DHRS1: variants seen among roughly 807,000 people sequenced by gnomAD.
DHRS1 encodes dehydrogenase/reductase 1, also known as dehydrogenase/reductase SDR family member 1.
Under a neutral mutation model 35.2 loss-of-function variants are expected in DHRS1, and 34 were observed. That is an observed-to-expected ratio of 0.97 (90% CI 0.74 to 1.29). DHRS1 has a LOEUF of 1.29. Among genes scored for constraint, DHRS1 ranks in the 50% most tolerant of loss-of-function variants. DHRS1 has a pLI of 0.00. For synonymous variants in DHRS1, 133 were observed against 160.0 expected (o/e 0.83, Z 1.27); for missense variants, 354 against 403.6 (o/e 0.88, Z 1.05).
chr14:24,297,155 C>CT (rs1203376497), intron 2 of DHRS1, among the ~76,000 whole-genome samples: 1 of 152,220 alleles, frequency 6.6e-6, no homozygotes, highest in Non-Finnish European at 1.5e-5. Context: ...CAGCATTGTA[C>CT]TTTGCAAGTA....
In DHRS1 at chr14:24,299,042, C is replaced by T. The variant is rs758489787; in HGVS notation, c.65G>A (p.Gly22Asp). The change falls in exon 2 of 9, where the codon GGC (glycine) becomes GAC (aspartate). Residue 22 changes from glycine to aspartate, a missense_variant. Transcript: ENST00000288111. ...VTGASRGIGR[G>D]IALQLCKAGA... ...TGCTTTGCAGAGCTGCAAGGCAATG[C>T]CACGGCCAATACCCCTGGAGGCACC... The T allele has an allele frequency of 1.2e-6, 2 of 1,613,924 alleles. No individual in the cohort carries two copies. The highest frequency in any genetic ancestry group is 1.7e-5 in the Admixed American group (1 of 59,988).
intron 7 of DHRS1, 96 bp downstream of exon 7, chr14:24,291,460 C>T: frequency 4.4e-6 from 6 of 1,353,074 alleles, no homozygotes; most frequent in Non-Finnish European, 6.4e-6. Flanking sequence ...ATGACATGTT[C>T]CTCAACCAAC....
chr14:24,296,817 C>T lies in DHRS1; in HGVS notation c.215G>A (p.Arg72Gln), dbSNP rs200475438. 42 of 1,614,112 alleles carry T rather than the reference C, an allele frequency of 2.6e-5. No individual in the cohort carries two copies. Among genetic ancestry groups the T allele is most frequent in the Admixed American group, 2.0e-4 (12 of 60,012 alleles). ...CCGATCCACTTGCTCAAACAGGCTTCGCACTTCACTCTCCTGGCTTGAATC... is the reference window on the plus strand; with the variant it reads ...CCGATCCACTTGCTCAAACAGGCTTTGCACTTCACTCTCCTGGCTTGAATC... The part of the protein sequence containing the change: ...VCDSSQESEV[R>Q]SLFEQVDREQ... Residue 72 changes from arginine (R) to glutamine (Q), a missense_variant, in exon 3 of 9, where the codon CGA becomes CAA. Transcript: ENST00000288111.
chr14:24,295,796 C>T (rs925801076), intron 4 of DHRS1, among the ~76,000 whole-genome samples: 1 of 152,184 alleles, frequency 6.6e-6, no homozygotes, highest in Non-Finnish European at 1.5e-5. Flanking sequence ...GGGATTGTTA[C>T]CAGAGTACCA....
chr14:24,293,006 A>C, intron 4 of DHRS1: 1 of 537,346 alleles, frequency 1.9e-6, no homozygotes, highest in Non-Finnish European at 3.2e-6. Context: ...CTTTGGAAGA[A>C]GAAATGGAAC....
intron 1 of DHRS1, chr14:24,299,379 C>T (rs1217997768): frequency 5.6e-6 from 2 of 354,976 alleles, no homozygotes; most frequent in African/African-American, 2.1e-5. Context: ...ACTACTACAA[C>T]CCTCTGAGTG....
At position 24,299,563 on chromosome 14, in the gene DHRS1, C is replaced by G. The variant is rs1168278047; in HGVS notation, c.-25+18G>C. ...TGGAGATCCTAAGCCCTAAGTGGGA[C>G]GAGCGTGCGCCGCTTACCTGCCACC... is the stretch of plus-strand genomic sequence containing the variant. On this transcript the variant is annotated intron_variant, in intron 1 of 8. Transcript: ENST00000288111. The G allele has an allele frequency of 4.3e-6, 1 of 232,992 alleles. No homozygotes were observed. The highest frequency in any genetic ancestry group is 5.1e-5 in the Admixed American group (1 of 19,578). The allele number at this position is 232,992 out of a possible 1,614,324, so 14.4% of individuals were successfully genotyped here. A position where few individuals can be genotyped will look rare whatever the true frequency, so the allele number is the denominator to read the frequency against.
chr14:24,291,659 T>C (rs762681272), intron 6 of DHRS1, 34 bp from the exon 7 acceptor site: 11 of 1,603,412 alleles, frequency 6.9e-6, no homozygotes, highest in South Asian at 1.1e-5. Flanking sequence ...GAAGGGTTAA[T>C]TTCCAAGAGC....
chr14:24,298,063 T>G (rs1263569169), intron 2 of DHRS1, among the ~76,000 whole-genome samples: 3 of 152,174 alleles, frequency 2.0e-5, no homozygotes, highest in Non-Finnish European at 4.4e-5. Flanking sequence ...AATTTTTTTT[T>G]TTAGAGACAG....
intron 2 of DHRS1, among the ~76,000 whole-genome samples, chr14:24,297,330 C>T (rs1052606957): frequency 5.3e-5 from 8 of 152,208 alleles, no homozygotes; most frequent in Non-Finnish European, 8.8e-5. Flanking sequence ...TCCACCAATG[C>T]TCCTGGTTGG....
chr14:24,291,297 G>T (rs1594602018), intron 7 of DHRS1, 78 bp from the exon 8 acceptor site: 2 of 1,437,124 alleles, frequency 1.4e-6, no homozygotes, highest in Middle Eastern at 1.7e-4. Flanking sequence ...GTTGGACAGG[G>T]CACTGCTGAG....
chr14:24,296,212 T>C (rs1339035016), intron 4 of DHRS1, among the ~76,000 whole-genome samples: 67 of 152,206 alleles, frequency 4.4e-4, no homozygotes, highest in Admixed American at 4.4e-3. Context: ...GCTGTGCGCA[T>C]TACTGAGAGG....
chr14:24,296,389 A>C, intron 4 of DHRS1, 120 bp downstream of exon 4: 1 of 946,430 alleles, frequency 1.1e-6, no homozygotes. Context: ...ATGGAATGGA[A>C]GGGAGAAGAA....
intron 1 of DHRS1, 58 bp from the exon 2 acceptor site, chr14:24,299,188 G>T (rs2041321197): frequency 6.8e-7 from 1 of 1,477,748 alleles, no homozygotes. Flanking sequence ...GTGTTGGGGC[G>T]AGGTTGGGGG....
At position 24,296,574 on chromosome 14, in the gene DHRS1, G is replaced by C; in HGVS notation, c.309C>G (p.Thr103=). 5 of 1,614,134 alleles carry C rather than the reference G, an allele frequency of 3.1e-6. No homozygotes were observed. In the South Asian group the frequency reaches 4.4e-5, roughly 14 times the overall value. ...GGGTTTCCCAGAATGCCTTATTCCT[G>C]GTGTTCAGGATCGTCTGGAAGGCAC... ...AYAGVQTILN[T]RNKAFWETPA... Residue 103 remains threonine (T), a synonymous_variant, in exon 4 of 9, where the codon ACC becomes ACG. Coordinates refer to ENST00000288111, the MANE Select transcript of DHRS1 (RefSeq NM_001136050.3).
intron 8 of DHRS1, 50 bp downstream of exon 8, chr14:24,291,089 G>A: frequency 6.2e-7 from 1 of 1,613,308 alleles, no homozygotes; most frequent in African/African-American, 1.3e-5. Context: ...GAGTGGGCAG[G>A]GAACAGAGGG....
Position 24,291,188 on chromosome 14 carries a change from C to T in DHRS1, c.756G>A (p.Val252=). 2 of 1,614,156 alleles carry T rather than the reference C, an allele frequency of 1.2e-6. No homozygotes were observed. Among genetic ancestry groups the T allele is most frequent in the Non-Finnish European group, 8.5e-7 (1 of 1,180,030 alleles). Residue 252 remains valine (V), a synonymous_variant, in exon 8 of 9, where the codon GTG becomes GTA. Transcript: ENST00000288111. Reference sequence around the variant, plus strand: ...GTCGAGCAAGGTCACAGGATGGCAGCACCTTACCACTCAGGCTCAGGATAT... The same window carrying T: ...GTCGAGCAAGGTCACAGGATGGCAGTACCTTACCACTCAGGCTCAGGATAT... ...DPNILSLSGK[V]LPSCDLARRY...
chr14:24,296,931 C>A, intron 2 of DHRS1, 50 bp from the exon 3 acceptor site: 1 of 1,609,258 alleles, frequency 6.2e-7, no homozygotes, highest in South Asian at 1.1e-5. Context: ...GGGTGTGAGT[C>A]ATGACAAAAC....
Position 24,290,741 on chromosome 14 carries a change from G to T in DHRS1, c.*118C>A. 7.5e-7 allele frequency: 1 copy of T among 1,325,006 alleles called. No homozygotes were observed. The highest frequency in any genetic ancestry group is 1.1e-6 in the Non-Finnish European group (1 of 940,968). 82.1% of individuals were successfully genotyped at this position (1,325,006 alleles called of 1,614,324 possible). A position where few individuals can be genotyped will look rare whatever the true frequency, so the allele number is the denominator to read the frequency against. ...ACTCACCACGGACACACAGCAGAGG[G>T]CTTCTCTTCATATCAAGGGTATGGG... On this transcript the variant is annotated 3_prime_UTR_variant, in exon 9 of 9. Transcript: ENST00000288111.
Sources: gnomAD v4.1 joint callset for allele counts (sites outside exome capture counted in the v4.1 genomes callset) on GRCh38, gnomAD v4.1.1 for gene constraint, MANE v1.5 for transcripts, NCBI Gene and HGNC (gene_info 2026-07-23, HGNC 2026-07-21) for gene names.